The following NR1H4 variants were observed in gnomAD, a reference collection of about 807,000 sequenced individuals.
The protein encoded by NR1H4 is bile acid receptor.
NR1H4 carries 23 observed loss-of-function variants against 58.5 expected under a neutral mutation model. The observed-to-expected ratio is 0.39, with a 90% CI of 0.28 to 0.56. The LOEUF is 0.56. Ranked by LOEUF, NR1H4 falls within the 20% of genes least tolerant of loss-of-function variation. The pLI is 0.58. For synonymous variants in NR1H4, 214 were observed against 198.0 expected (o/e 1.08, Z -0.68); for missense variants, 487 against 576.9 (o/e 0.84, Z 1.60).
intron 6 of NR1H4, 99 bp from the exon 7 acceptor site, chr12:100,536,413 T>A (rs1339489579): frequency 8.4e-6 from 6 of 716,720 alleles, no homozygotes; most frequent in Admixed American, 2.3e-5. Flanking sequence ...TTTTTTTTTT[T>A]ATGATTTCTG....
intron 5 of NR1H4, 111 bp downstream of exon 5, chr12:100,532,721 C>A: frequency 1.0e-6 from 1 of 956,882 alleles, no homozygotes; most frequent in Non-Finnish European, 1.6e-6. Flanking sequence ...CCTACTAAGC[C>A]ATCTAAGTTC....
At chr12:100,554,779 A>C (rs1955286403) in intron 9 of NR1H4, among the ~76,000 whole-genome samples, 1 of 152,218 alleles carries the variant, frequency 6.6e-6, no homozygotes, top group African/African-American at 2.4e-5. Flanking sequence ...GGAAGAAGGA[A>C]GCAGGAAAAC....
chr12:100,498,165 C>T (rs769727659), intron 3 of NR1H4, among the ~76,000 whole-genome samples: 16 of 152,196 alleles, frequency 1.1e-4, no homozygotes, highest in Non-Finnish European at 1.5e-4. Flanking sequence ...TGTGGGAAAG[C>T]GCTCTGTAAG....
chr12:100,559,353 C>T (rs895416927), intron 9 of NR1H4, among the ~76,000 whole-genome samples: 3 of 152,224 alleles, frequency 2.0e-5, no homozygotes, highest in African/African-American at 4.8e-5. Flanking sequence ...CTGGAGCCCA[C>T]TCCCTTAGCT....
At chr12:100,497,021 TGAGGGAGTGGAGGC>T (rs1377581196) in intron 3 of NR1H4, among the ~76,000 whole-genome samples, 1 of 151,812 alleles carries the variant, frequency 6.6e-6, no homozygotes, top group Non-Finnish European at 1.5e-5. Flanking sequence ...TGAGACATGA[TGAGGGAGTGGAGGC>T]GAGGGAGTGG....
intron 8 of NR1H4, among the ~76,000 whole-genome samples, chr12:100,539,316 C>T (rs963602718): frequency 6.6e-6 from 1 of 152,032 alleles, no homozygotes. Context: ...GGATATAATA[C>T]CAGTACTGAA....
intron 4 of NR1H4, among the ~76,000 whole-genome samples, chr12:100,516,782 T>A (rs1954278247): frequency 6.6e-6 from 1 of 152,212 alleles, no homozygotes; most frequent in Non-Finnish European, 1.5e-5. Context: ...AGCATATCAT[T>A]TCCAAAACAA....
chr12:100,524,614 A>G (rs770661369), intron 4 of NR1H4, among the ~76,000 whole-genome samples: 11 of 151,988 alleles, frequency 7.2e-5, no homozygotes, highest in Admixed American at 5.9e-4. Flanking sequence ...CTCCTTCATC[A>G]CTTAATAAGC....
intron 4 of NR1H4, among the ~76,000 whole-genome samples, chr12:100,520,437 C>T (rs1467967883): frequency 6.6e-6 from 1 of 152,148 alleles, no homozygotes; most frequent in African/African-American, 2.4e-5. Context: ...AGCCACACTG[C>T]AGAACTGGCC....
At chr12:100,540,845 A>T (rs1361692080) in intron 9 of NR1H4, 27 bp downstream of exon 9, 2 of 1,613,110 alleles carry the variant, frequency 1.2e-6, no homozygotes, top group African/African-American at 1.3e-5. Flanking sequence ...ATGGTAAAAG[A>T]GTTTGTTTCT....
intron 9 of NR1H4, among the ~76,000 whole-genome samples, chr12:100,557,410 C>A (rs1015370703): frequency 2.0e-5 from 3 of 152,234 alleles, no homozygotes; most frequent in Non-Finnish European, 4.4e-5. Flanking sequence ...GACCCAAACA[C>A]CTTCCACCAG....
At chr12:100,505,347 T>C (rs1953934773) in intron 3 of NR1H4, among the ~76,000 whole-genome samples, 1 of 152,238 alleles carries the variant, frequency 6.6e-6, no homozygotes, top group Non-Finnish European at 1.5e-5. Flanking sequence ...ATATGCCACA[T>C]GTGGCTATTC....
At chr12:100,520,487 T>G (rs1954386498) in intron 4 of NR1H4, among the ~76,000 whole-genome samples, 1 of 152,082 alleles carries the variant, frequency 6.6e-6, no homozygotes, top group Non-Finnish European at 1.5e-5. Context: ...AGATGGGGAC[T>G]CAGGAAGCCA....
intron 1 of NR1H4, among the ~76,000 whole-genome samples, chr12:100,491,168 C>G (rs1216728538): frequency 6.6e-6 from 1 of 152,060 alleles, no homozygotes; most frequent in Admixed American, 6.6e-5. Flanking sequence ...CGACAACACC[C>G]CAGTTATTTC....
intron 3 of NR1H4, among the ~76,000 whole-genome samples, chr12:100,502,448 C>T (rs1953856820): frequency 6.6e-6 from 1 of 152,192 alleles, no homozygotes; most frequent in South Asian, 2.1e-4. Context: ...CCATCTCCGT[C>T]TCCTCTCTGT....
chr12:100,536,798 A>AT, intron 7 of NR1H4, 150 bp from the exon 8 acceptor site: 1 of 658,030 alleles, frequency 1.5e-6, no homozygotes, highest in Non-Finnish European at 2.7e-6. Flanking sequence ...ACCTATCTTG[A>AT]TAATGGTAAT....
chr12:100,533,029 G>A (rs1409153847), intron 5 of NR1H4, among the ~76,000 whole-genome samples: 1 of 152,148 alleles, frequency 6.6e-6, no homozygotes, highest in African/African-American at 2.4e-5. Context: ...CCTCTGAATT[G>A]TCTAAATAGA....
intron 4 of NR1H4, among the ~76,000 whole-genome samples, chr12:100,529,232 T>G (rs551817545): frequency 6.6e-6 from 1 of 152,298 alleles, no homozygotes; most frequent in South Asian, 2.1e-4. Context: ...TCAGCCTCTG[T>G]TTTCATATTT....
Position 100,563,744 on chromosome 12 carries a change from G to A in NR1H4, c.*255G>A, listed in dbSNP as rs986334099. 1.1e-5 allele frequency: 5 copies of A among 468,722 alleles called. No individual in the cohort carries two copies. In the East Asian group the frequency reaches 1.4e-4, roughly 13 times the overall value. The allele number at this position is 468,722 out of a possible 1,614,324, so 29.0% of individuals were successfully genotyped here. ...CCCTGTTTGCCTAATTAAATTGATT[G>A]TTACTTCAATTCTATCTGTTGAACT... On this transcript the variant is annotated 3_prime_UTR_variant, in exon 11 of 11. Coordinates refer to ENST00000392986, the MANE Select transcript of NR1H4 (RefSeq NM_001206979.2).
Sources: allele counts gnomAD v4.1 joint callset (sites outside exome capture counted in the v4.1 genomes callset), GRCh38; gene constraint gnomAD v4.1.1; transcripts MANE v1.5; gene names NCBI Gene and HGNC (gene_info 2026-07-23, HGNC 2026-07-21).